Variants in CSMD1 observed in about 807,000 individuals in gnomAD.
CSMD1 encodes CUB and Sushi multiple domains 1.
Under a neutral mutation model 417.5 loss-of-function variants are expected in CSMD1, and 213 were observed. The observed-to-expected ratio is 0.51, with a 90% CI of 0.46 to 0.57. CSMD1 has a LOEUF of 0.57. CSMD1 is among the 20% of genes least tolerant of loss of function. The pLI, the probability that CSMD1 is intolerant of heterozygous loss-of-function variation, is 0.00. For synonymous variants in CSMD1, 2,862 were observed against 1,736.8 expected (o/e 1.65, Z -16.11); for missense variants, 6,923 against 4,529.7 (o/e 1.53, Z -15.17).
chr8:4,288,408 G>A (rs1797178322), intron 3 of CSMD1, among the ~76,000 whole-genome samples: 1 of 152,086 alleles, frequency 6.6e-6, no homozygotes, highest in Non-Finnish European at 1.5e-5. Context: ...AATATCTCAG[G>A]CTTGTTCACA....
chr8:3,126,000 G>A (rs1402952216), intron 41 of CSMD1, among the ~76,000 whole-genome samples: 1 of 152,132 alleles, frequency 6.6e-6, no homozygotes, highest in Admixed American at 6.6e-5. Flanking sequence ...AGTTGAATTA[G>A]AGAATCATCA....
chr8:4,227,480 C>A (rs1801429767), intron 3 of CSMD1, among the ~76,000 whole-genome samples: 1 of 152,088 alleles, frequency 6.6e-6, no homozygotes. Context: ...TCTGAGGAGT[C>A]CTGTGCCCTT....
At chr8:4,302,297 T>C (rs1160696536) in intron 3 of CSMD1, among the ~76,000 whole-genome samples, 1 of 152,192 alleles carries the variant, frequency 6.6e-6, no homozygotes, top group Non-Finnish European at 1.5e-5. Context: ...TGGAATGGTT[T>C]TCCTTAACTC....
At chr8:4,555,713 G>C (rs1035076184) in intron 2 of CSMD1, among the ~76,000 whole-genome samples, 1 of 152,158 alleles carries the variant, frequency 6.6e-6, no homozygotes, top group Admixed American at 6.5e-5. Context: ...TTCTTCACAG[G>C]AGCCTGCACC....
At chr8:3,776,711 G>C (rs1050852958) in intron 5 of CSMD1, among the ~76,000 whole-genome samples, 3 of 151,770 alleles carry the variant, frequency 2.0e-5, no homozygotes, top group African/African-American at 7.3e-5. Context: ...TACCTGGAGA[G>C]ATGATAGATA....
chr8:3,603,736 T>G (rs928529768), intron 8 of CSMD1, among the ~76,000 whole-genome samples: 1 of 152,226 alleles, frequency 6.6e-6, no homozygotes, highest in African/African-American at 2.4e-5. Context: ...CCCCCTGATA[T>G]ATGGGCTTGA....
intron 1 of CSMD1, among the ~76,000 whole-genome samples, chr8:4,897,422 A>G (rs1338079216): frequency 6.6e-6 from 1 of 152,136 alleles, no homozygotes; most frequent in African/African-American, 2.4e-5. Flanking sequence ...ATGACTTACC[A>G]AGAAAACAAG....
intron 46 of CSMD1, among the ~76,000 whole-genome samples, chr8:3,104,050 C>T (rs1245350780): frequency 2.0e-5 from 3 of 152,096 alleles, no homozygotes; most frequent in Non-Finnish European, 2.9e-5. Flanking sequence ...ACCAAAATTC[C>T]CTGTTTTTAG....
chr8:4,004,498 T>C (rs926477395), intron 4 of CSMD1, among the ~76,000 whole-genome samples: 2 of 152,212 alleles, frequency 1.3e-5, no homozygotes, highest in African/African-American at 4.8e-5. Flanking sequence ...ATCTGGATTT[T>C]TGTGTTATAT....
At chr8:4,754,144 T>C (rs891073793) in intron 1 of CSMD1, among the ~76,000 whole-genome samples, 18 of 152,170 alleles carry the variant, frequency 1.2e-4, no homozygotes, top group African/African-American at 2.9e-4. Context: ...AGCAATAAAA[T>C]AGACACTTCT....
chr8:4,608,995 T>C (rs929386741), intron 2 of CSMD1, among the ~76,000 whole-genome samples: 5 of 149,354 alleles, frequency 3.3e-5, no homozygotes, highest in South Asian at 2.1e-4. Flanking sequence ...CAAAGGAATG[T>C]GGCATACTTG....
chr8:4,064,406 G>A (rs897218683), intron 3 of CSMD1, among the ~76,000 whole-genome samples: 1 of 152,174 alleles, frequency 6.6e-6, no homozygotes, highest in Non-Finnish European at 1.5e-5. Flanking sequence ...TGTTGAGAAG[G>A]TAGAGAATAA....
At chr8:3,964,759 T>G (rs1037413538) in intron 5 of CSMD1, among the ~76,000 whole-genome samples, 13 of 152,340 alleles carry the variant, frequency 8.5e-5, no homozygotes, top group African/African-American at 2.6e-4. Context: ...TCCTGTATCC[T>G]TCATAAAGGA....
intron 3 of CSMD1, among the ~76,000 whole-genome samples, chr8:4,281,249 T>A (rs1269959891): frequency 6.6e-6 from 1 of 152,274 alleles, no homozygotes; most frequent in East Asian, 1.9e-4. Context: ...TCTCAGGGAA[T>A]TAAAATAACC....
intron 6 of CSMD1, among the ~76,000 whole-genome samples, chr8:3,727,949 T>C (rs903010688): frequency 6.6e-6 from 1 of 152,054 alleles, no homozygotes; most frequent in African/African-American, 2.4e-5. Context: ...GGGGTATGGG[T>C]AATGAGAGTT....
At position 3,453,797 on chromosome 8, in the gene CSMD1, G is replaced by T. The variant is rs564093166; in HGVS notation, c.1561+14915C>A. Among the ~76,000 whole-genome samples, 197 of 152,278 alleles carry T rather than the reference G, an allele frequency of 1.3e-3. 1 individual carries two copies. Among genetic ancestry groups the T allele is most frequent in the African/African-American group, 3.7e-3 (152 of 41,550 alleles). ...AAAGAATATATATTCTATTGATTTGGGGGGGATAGTTCTGTAGATGTCTAT... is the reference window on the plus strand; with the variant it reads ...AAAGAATATATATTCTATTGATTTGTGGGGGATAGTTCTGTAGATGTCTAT... On this transcript the variant is annotated intron_variant, in intron 12 of 69. Transcript: ENST00000635120.
At chr8:3,724,583 G>T (rs2129045597) in intron 6 of CSMD1, among the ~76,000 whole-genome samples, 1 of 152,230 alleles carries the variant, frequency 6.6e-6, no homozygotes, top group African/African-American at 2.4e-5. Flanking sequence ...GCTGGGAGAG[G>T]AATTAGGGAG....
chr8:3,077,131 C>T (rs1395084669), intron 49 of CSMD1, among the ~76,000 whole-genome samples: 5 of 152,284 alleles, frequency 3.3e-5, no homozygotes, highest in Non-Finnish European at 5.9e-5. Flanking sequence ...GCAGAGACTC[C>T]GGACTTCCTG....
chr8:4,036,859 T>A (rs1797643795), intron 3 of CSMD1, among the ~76,000 whole-genome samples: 2 of 152,212 alleles, frequency 1.3e-5, no homozygotes, highest in African/African-American at 2.4e-5. Flanking sequence ...CATCTCTGCA[T>A]GAGGTATGTC....
Sources: gnomAD v4.1 joint callset for allele counts (sites outside exome capture counted in the v4.1 genomes callset) on GRCh38, gnomAD v4.1.1 for gene constraint, MANE v1.5 for transcripts, NCBI Gene and HGNC (gene_info 2026-07-23, HGNC 2026-07-21) for gene names.